The following TTF1 variants were observed in gnomAD, a reference collection of about 807,000 sequenced individuals.
TTF1 encodes transcription termination factor 1.
TTF1 carries 64 observed loss-of-function variants against 80.2 expected under a neutral mutation model. The observed-to-expected ratio is 0.80, with a 90% CI of 0.65 to 0.98. TTF1 has a LOEUF of 0.98. TTF1 is among the 50% of genes least tolerant of loss of function. The pLI is 0.00. For synonymous variants in TTF1, 372 were observed against 382.7 expected, an observed-to-expected ratio of 0.97 and a Z score of 0.33; for missense variants, 1,023 against 1,086.2, an observed-to-expected ratio of 0.94 and a Z score of 0.82.
intron 9 of TTF1, among the ~76,000 whole-genome samples, chr9:132,381,836 C>T (rs73550560): frequency 0.01 from 1,555 of 152,324 alleles, 27 homozygotes; most frequent in African/African-American, 0.035. Flanking sequence ...AGTTTAAACC[C>T]TCCCTAATGG....
chr9:132,397,520 A>C (rs78368601), intron 4 of TTF1, among the ~76,000 whole-genome samples: 2 of 152,356 alleles, frequency 1.3e-5, no homozygotes, highest in Non-Finnish European at 2.9e-5. Context: ...CATGGTGCGT[A>C]TAAGGATGTG....
In TTF1 at chr9:132,402,752, T is replaced by C. The variant is rs751927401; in HGVS notation, c.70A>G (p.Ile24Val). 3.1e-6 allele frequency: 5 copies of C among 1,606,074 alleles called. No individual in the cohort carries two copies. Among genetic ancestry groups the C allele is most frequent in the Non-Finnish European group, 4.2e-6 (5 of 1,178,080 alleles). Residue 24 changes from isoleucine to valine, a missense_variant, in exon 2 of 11, where the codon ATA (isoleucine) becomes GTA (valine). Coordinates refer to ENST00000334270, the MANE Select transcript of TTF1 (RefSeq NM_007344.4). ...VSDKKKKKCSIHKERPQKHSH... is the reference protein window; with the variant it reads ...VSDKKKKKCSVHKERPQKHSH... The stretch of plus-strand genomic sequence containing the variant: ...TGTTTCTGAGGTCTTTCCTTATGTA[T>C]AGAACACTTTTTCTTTTTCTTGTCA...
At chr9:132,390,543 C>T (rs1220127528) in intron 7 of TTF1, 54 bp downstream of exon 7, 4 of 1,560,544 alleles carry the variant, frequency 2.6e-6, no homozygotes, top group South Asian at 2.3e-5. Context: ...TCTTGGTAAC[C>T]TCACCTCTCC....
chr9:132,392,477 G>T lies in TTF1; in HGVS notation c.1857-271C>A, dbSNP rs377416741. ...TCAGCTCAGAGCCTCTGTCCCTGTG[G>T]TGGAAACGGCCTTCCTCCACCCGAC... On this transcript the variant is annotated intron_variant, in intron 5 of 10. Coordinates refer to ENST00000334270, the MANE Select transcript of TTF1 (RefSeq NM_007344.4). Among the ~76,000 whole-genome samples the T allele has an allele frequency of 1.6e-4, 24 of 152,306 alleles. No homozygotes were observed. The South Asian group carries it at 4.8e-3, about 30-fold the overall frequency.
chr9:132,393,170 A>G (rs551653368), intron 5 of TTF1, among the ~76,000 whole-genome samples: 7 of 152,260 alleles, frequency 4.6e-5, no homozygotes, highest in Non-Finnish European at 1.0e-4. Flanking sequence ...TACTGTATAA[A>G]CTGCATAAAC....
rs1439473134 is a variant in TTF1, at chr9:132,376,046, G to A, written c.2587C>T (p.Arg863Ter). The change falls in exon 11 of 11, where the codon CGA (arginine) becomes TGA (stop). Residue 863 changes from arginine (R) to a stop codon, truncating the protein, a stop_gained. Coordinates refer to ENST00000334270, the MANE Select transcript of TTF1 (RefSeq NM_007344.4). LOFTEE classifies it low-confidence loss of function (END_TRUNC). Reference protein sequence around the residue: ...PAAPKQVFPFRDIFYYEDDSE... With the variant: ...PAAPKQVFPF Reference sequence around the variant, plus strand: ...TCGTCTTCATAATAAAAGATGTCTCGAAATGGGAAAACTTGCTTGGGTGCT... The same window carrying A: ...TCGTCTTCATAATAAAAGATGTCTCAAAATGGGAAAACTTGCTTGGGTGCT... 12 of 1,614,030 alleles carry A rather than the reference G, an allele frequency of 7.4e-6. No homozygotes were observed. The highest frequency in any genetic ancestry group is 4.0e-5 in the African/African-American group (3 of 74,906).
intron 9 of TTF1, among the ~76,000 whole-genome samples, chr9:132,379,535 G>A (rs1849331293): frequency 6.6e-6 from 1 of 152,184 alleles, no homozygotes; most frequent in East Asian, 1.9e-4. Context: ...GACAACTCAA[G>A]GAGGGAGTTA....
chr9:132,376,409 C>G (rs1255030767), intron 10 of TTF1, among the ~76,000 whole-genome samples: 1 of 152,150 alleles, frequency 6.6e-6, no homozygotes, highest in Non-Finnish European at 1.5e-5. Context: ...CATTAAGAGA[C>G]TTGCCCGAGG....
chr9:132,382,046 C>T (rs778781034), intron 9 of TTF1, among the ~76,000 whole-genome samples: 1 of 152,206 alleles, frequency 6.6e-6, no homozygotes, highest in Non-Finnish European at 1.5e-5. Context: ...CCATGATGCT[C>T]GGCAACACGT....
chr9:132,378,238 GGTGTGAGTGCATGTGGTGT>G (rs1405751391), intron 10 of TTF1, among the ~76,000 whole-genome samples: 120 of 121,324 alleles, frequency 9.9e-4, no homozygotes, highest in African/African-American at 3.1e-3. Flanking sequence ...GCATGCATGT[GGTGTGAGTGCATGTGGTGT>G]GTGTGAGTGC....
Position 132,401,829 on chromosome 9 carries a change from C to CTTGTTT in TTF1, c.987_992dup (p.Asn330_Lys331dup). ...TGGACTTTTTCTTTTTTTTCTTAGA[C>CTTGTTT]TTGTTTTTATAAGCAGGTGCTGGTA... On this transcript the variant is annotated inframe_insertion, in exon 2 of 11. Coordinates refer to ENST00000334270, the MANE Select transcript of TTF1 (RefSeq NM_007344.4). 1 of 1,613,740 alleles carries CTTGTTT rather than the reference C, an allele frequency of 6.2e-7. No homozygotes were observed. The highest frequency in any genetic ancestry group is 8.5e-7 in the Non-Finnish European group (1 of 1,179,978).
chr9:132,387,291 T>TC (rs895569797), intron 8 of TTF1, among the ~76,000 whole-genome samples: 19 of 149,014 alleles, frequency 1.3e-4, no homozygotes, highest in South Asian at 4.3e-4. Context: ...ACAGTAACCC[T>TC]CCCCCCCCAA....
chr9:132,405,550 CCTT>C (rs1849851126), intron 1 of TTF1, among the ~76,000 whole-genome samples: 1 of 152,230 alleles, frequency 6.6e-6, no homozygotes, highest in Admixed American at 6.5e-5. Context: ...CAGTTCCTTT[CCTT>C]CTTTTTTGTA....
chr9:132,399,923 G>A (rs2131647548), intron 3 of TTF1, 112 bp downstream of exon 3: 1 of 1,138,310 alleles, frequency 8.8e-7, no homozygotes, highest in South Asian at 1.4e-5. Context: ...AGGTGAAGGA[G>A]GAGAAAGAAT....
At chr9:132,377,006 T>G (rs1421581255) in intron 10 of TTF1, among the ~76,000 whole-genome samples, 1 of 152,216 alleles carries the variant, frequency 6.6e-6, no homozygotes, top group Non-Finnish European at 1.5e-5. Context: ...GTTCCTCACA[T>G]GGCTCTGATG....
At chr9:132,390,416 A>G (rs1234485083) in intron 7 of TTF1, among the ~76,000 whole-genome samples, 181 bp downstream of exon 7, 1 of 152,244 alleles carries the variant, frequency 6.6e-6, no homozygotes, top group African/African-American at 2.4e-5. Context: ...TCTTCAATGC[A>G]TCAGGGCTAG....
At chr9:132,390,528 G>C in intron 7 of TTF1, 69 bp downstream of exon 7, 2 of 1,484,852 alleles carry the variant, frequency 1.3e-6, no homozygotes, top group Non-Finnish European at 1.9e-6. Flanking sequence ...CAGTTACACA[G>C]ATATTCTTGG....
At chr9:132,377,419 T>C (rs1374159888) in intron 10 of TTF1, among the ~76,000 whole-genome samples, 2 of 94,356 alleles carry the variant, frequency 2.1e-5, no homozygotes, top group African/African-American at 9.0e-5. Flanking sequence ...TGTGTGTGAG[T>C]GCATGCATGT....
chr9:132,401,621 G>A lies in TTF1; in HGVS notation c.1201C>T (p.Arg401Ter), dbSNP rs769896687. 9 of 1,614,112 alleles carry A rather than the reference G, an allele frequency of 5.6e-6. No individual in the cohort carries two copies. Among genetic ancestry groups the A allele is most frequent in the South Asian group, 5.5e-5 (5 of 91,082 alleles). Residue 401 changes from arginine (R) to a stop codon, truncating the protein, a stop_gained, in exon 2 of 11, where the codon CGA (arginine) becomes TGA (stop). Coordinates refer to ENST00000334270, the MANE Select transcript of TTF1 (RefSeq NM_007344.4). LOFTEE classifies it high-confidence loss of function. ...KRKLTSVKRA[R>*]VSGDDFSVPS... ...ACTGAAAAATCATCACCAGACACTC[G>A]TGCCCTTTTGACAGACGTAAGCTTC...
Sources: gnomAD v4.1 joint callset for allele counts (sites outside exome capture counted in the v4.1 genomes callset) on GRCh38, gnomAD v4.1.1 for gene constraint, MANE v1.5 for transcripts, NCBI Gene and HGNC (gene_info 2026-07-23, HGNC 2026-07-21) for gene names.